The following ARRDC1 variants were observed in gnomAD, a reference collection of about 807,000 sequenced individuals.
ARRDC1 encodes the protein arrestin domain containing 1, also known as arrestin domain-containing protein 1.
Under a neutral mutation model 40.1 loss-of-function variants are expected in ARRDC1, and 37 were observed. That is an observed-to-expected ratio of 0.92 (90% CI 0.71 to 1.21). The LOEUF is 1.21. Among genes scored for constraint, ARRDC1 ranks in the 50% most tolerant of loss-of-function variants. The pLI is 0.00. For synonymous variants in ARRDC1, 310 were observed against 262.5 expected (o/e 1.18, Z -1.75); for missense variants, 641 against 581.9 (o/e 1.10, Z -1.04).
intron 1 of ARRDC1, chr9:137,612,413 A>T (rs1264871642): frequency 5.5e-6 from 1 of 182,398 alleles, no homozygotes; most frequent in Non-Finnish European, 1.1e-5. Context: ...GTGTCTGCCT[A>T]GGCGGGTCTG....
Position 137,614,325 on chromosome 9 carries a change from G to T in ARRDC1, c.645G>T (p.Trp215Cys). 2 of 1,608,308 alleles carry T rather than the reference G, an allele frequency of 1.2e-6. No homozygotes were observed. Among genetic ancestry groups the T allele is most frequent in the Admixed American group, 3.4e-5 (2 of 59,394 alleles). Residue 215 changes from tryptophan to cysteine, a missense_variant, in exon 6 of 8, where the codon TGG (tryptophan) becomes TGT (cysteine). Trp to Cys is a radical substitution (Grantham distance 215, BLOSUM62 -2). Transcript: ENST00000371421. The stretch of plus-strand genomic sequence containing the variant: ...AAGTGTCCTATAAGGCCAAGCGCTG[G>T]ATCCACGACGTACGGACCATTGCGG... ...LQKVSYKAKR[W>C]IHDVRTIAEV...
chr9:137,608,014 C>T (rs1289908956), intron 1 of ARRDC1, among the ~76,000 whole-genome samples: 2 of 152,128 alleles, frequency 1.3e-5, no homozygotes, highest in East Asian at 3.9e-4. Flanking sequence ...ACGGAGTCTC[C>T]CTCTGTCGCC....
At chr9:137,607,226 C>G (rs1842439341) in intron 1 of ARRDC1, among the ~76,000 whole-genome samples, 1 of 152,228 alleles carries the variant, frequency 6.6e-6, no homozygotes, top group Admixed American at 6.5e-5. Flanking sequence ...GTACCGGGGC[C>G]CCCGGGGGTT....
In ARRDC1 at chr9:137,614,384, G is replaced by A. The variant is rs764745867; in HGVS notation, c.704G>A (p.Arg235Gln). 1.2e-5 allele frequency: 19 copies of A among 1,612,934 alleles called. No homozygotes were observed. The highest frequency in any genetic ancestry group is 3.3e-5 in the South Asian group (3 of 91,054). Residue 235 changes from arginine to glutamine, a missense_variant, in exon 6 of 8, where the codon CGG becomes CAG. Physicochemically the swap from Arg to Gln is conservative, Grantham distance 43. Transcript: ENST00000371421. ...VEGAGVKAWR[R>Q]AQWHEQILVP... ...GGTGCGGGCGTCAAGGCCTGGCGGCGGGCGCAGTGGCACGAGCAGATCCTG... is the reference window on the plus strand; with the variant it reads ...GGTGCGGGCGTCAAGGCCTGGCGGCAGGCGCAGTGGCACGAGCAGATCCTG...
chr9:137,613,555 TG>T (rs779025116), intron 3 of ARRDC1, 45 bp downstream of exon 3: 15 of 1,614,024 alleles, frequency 9.3e-6, no homozygotes, highest in Non-Finnish European at 1.1e-5. Context: ...CAACTGGTCC[TG>T]GGAGGTGGGC....
chr9:137,612,864 G>A, intron 1 of ARRDC1, 32 bp from the exon 2 acceptor site: 1 of 1,569,556 alleles, frequency 6.4e-7, no homozygotes, highest in East Asian at 2.2e-5. Flanking sequence ...GCCGTCGGCT[G>A]GCTGGGGCTC....
At chr9:137,609,527 C>A (rs972313407) in intron 1 of ARRDC1, among the ~76,000 whole-genome samples, 1 of 151,998 alleles carries the variant, frequency 6.6e-6, no homozygotes, top group Non-Finnish European at 1.5e-5. Context: ...AGCCACTGTG[C>A]CTGGCCCCAA....
chr9:137,609,861 T>A (rs558795278), intron 1 of ARRDC1, among the ~76,000 whole-genome samples: 1 of 151,658 alleles, frequency 6.6e-6, no homozygotes, highest in African/African-American at 2.4e-5. Context: ...ATCTGATGGA[T>A]TGAAATGGTA....
intron 2 of ARRDC1, chr9:137,613,236 T>C (rs4962227): frequency 0.15 from 112,064 of 738,012 alleles, 10,308 homozygotes; most frequent in Admixed American, 0.36. Context: ...GGCACAGCTG[T>C]TTCACCCTTG....
chr9:137,605,822 G>A lies in ARRDC1; in HGVS notation c.105G>A (p.Pro35=). Residue 35 remains proline (P), a synonymous_variant, in exon 1 of 8, where the codon CCG becomes CCA. Coordinates refer to ENST00000371421, the MANE Select transcript of ARRDC1 (RefSeq NM_152285.4). ...CCGTGCGCGTGCGCCTGGGGGCACC[G>A]CTGCCGTTCCGAGGTGGGCGCGGGT... is the stretch of plus-strand genomic sequence containing the variant. ...AGTVRVRLGA[P]LPFRAIRVTC... is the part of the protein sequence containing the mutation. The A allele has an allele frequency of 7.9e-7, 1 of 1,267,554 alleles. No individual in the cohort carries two copies. The highest frequency in any genetic ancestry group is 9.9e-7 in the Non-Finnish European group (1 of 1,005,672). The allele number at this position is 1,267,554 out of a possible 1,614,324, so 78.5% of individuals were successfully genotyped here. A position where few individuals can be genotyped will look rare whatever the true frequency, so the allele number is the denominator to read the frequency against.
Position 137,605,754 on chromosome 9 carries a change from C to G in ARRDC1, c.37C>G (p.His13Asp). 7.3e-7 allele frequency: 1 copy of G among 1,377,992 alleles called. No individual in the cohort carries two copies. Among genetic ancestry groups the G allele is most frequent in the Non-Finnish European group, 9.4e-7 (1 of 1,062,204 alleles). The allele number at this position is 1,377,992 out of a possible 1,614,324, so 85.4% of individuals were successfully genotyped here. A position where few individuals can be genotyped will look rare whatever the true frequency, so the allele number is the denominator to read the frequency against. Reference sequence around the variant, plus strand: ...GCAGCTCTTCGAGATCAGCCTGAGCCACGGCCGCGTCGTCTACAGCCCCGG... The same window carrying G: ...GCAGCTCTTCGAGATCAGCCTGAGCGACGGCCGCGTCGTCTACAGCCCCGG... ...RVQLFEISLS[H>D]GRVVYSPGEP... The change falls in exon 1 of 8, where the codon CAC becomes GAC. Residue 13 changes from histidine to aspartate, a missense_variant. Physicochemically the swap from His to Asp is moderately conservative, Grantham distance 81. Transcript: ENST00000371421.
At position 137,614,848 on chromosome 9, in the gene ARRDC1, A is replaced by G; in HGVS notation, c.1085A>G (p.Asp362Gly). 3.1e-6 allele frequency: 5 copies of G among 1,613,274 alleles called. No homozygotes were observed. The highest frequency in any genetic ancestry group is 4.2e-6 in the Non-Finnish European group (5 of 1,179,932). ...GGTGCGCCGGAGCCCTGCCCTCAGG[A>G]TGGCAGCCCTGCCTCACACCCGCTG... ...VPGAPEPCPQ[D>G]GSPASHPLHP... The change falls in exon 7 of 8, where the codon GAT (aspartate) becomes GGT (glycine). Residue 362 changes from aspartate to glycine, a missense_variant. Transcript: ENST00000371421.
In ARRDC1 at chr9:137,613,006, G is replaced by A. The variant is rs1375442851; in HGVS notation, c.229G>A (p.Gly77Arg). The A allele has an allele frequency of 1.9e-6, 3 of 1,612,254 alleles. No individual in the cohort carries two copies. Among genetic ancestry groups the A allele is most frequent in the African/African-American group, 1.3e-5 (1 of 75,030 alleles). The change falls in exon 2 of 8, where the codon GGG (glycine) becomes AGG (arginine). Residue 77 changes from glycine (G) to arginine (R), a missense_variant and splice_region_variant. Gly to Arg is a moderately radical substitution (Grantham distance 125). Coordinates refer to ENST00000371421, the MANE Select transcript of ARRDC1 (RefSeq NM_152285.4). ...CAGTTCCCTGTCGCTGGCAGACAAG[G>A]GTAAGTTTGGGAGCCAGTTCCCGAG... is the stretch of plus-strand genomic sequence containing the variant. ...FNSSLSLADK[G>R]SLPAGEHSFP...
rs1842409846 is a variant in ARRDC1 at position 137,605,711 on chromosome 9, C to T, written c.-7C>T. Reference sequence around the variant, plus strand: ...GTCGCTGCGCGGCTGGCCGGTGAGGCCGCGGCATGGGGCGAGTGCAGCTCT... The same window carrying T: ...GTCGCTGCGCGGCTGGCCGGTGAGGTCGCGGCATGGGGCGAGTGCAGCTCT... On this transcript the variant is annotated 5_prime_UTR_variant, in exon 1 of 8. Transcript: ENST00000371421. 2.2e-6 allele frequency: 3 copies of T among 1,360,294 alleles called. No homozygotes were observed. The highest frequency in any genetic ancestry group is 3.3e-5 in the East Asian group (1 of 30,718). The allele number at this position is 1,360,294 out of a possible 1,614,324, so 84.3% of individuals were successfully genotyped here. A position where few individuals can be genotyped will look rare whatever the true frequency, so the allele number is the denominator to read the frequency against.
At position 137,615,348 on chromosome 9, in the gene ARRDC1, CT is replaced by C; in HGVS notation, c.*213del. 1.8e-6 allele frequency: 1 copy of C among 559,162 alleles called. No individual in the cohort carries two copies. Among genetic ancestry groups the C allele is most frequent in the Non-Finnish European group, 3.0e-6 (1 of 331,702 alleles). 34.6% of individuals were successfully genotyped at this position (559,162 alleles called of 1,614,324 possible). ...AGAGACAACTCCTGTAAATAAAACA[CT>C]TTATTTGTAGAGCTGGGCCTCACCG... On this transcript the variant is annotated 3_prime_UTR_variant, in exon 8 of 8. Coordinates refer to ENST00000371421, the MANE Select transcript of ARRDC1 (RefSeq NM_152285.4).
rs1842649152 is a variant in ARRDC1, at chr9:137,615,129, T to C, written c.1293T>C (p.Pro431=). 1.9e-6 allele frequency: 3 copies of C among 1,541,654 alleles called. No individual in the cohort carries two copies. Among genetic ancestry groups the C allele is most frequent in the Non-Finnish European group, 2.6e-6 (3 of 1,142,214 alleles). ...SCGGVEPSLT[P]ES ...GCGGCGTGGAACCCAGCCTGACCCC[T>C]GAGAGCTGACCCCGTGCTGCCTTCT... The change falls in exon 8 of 8, where the codon CCT becomes CCC. Residue 431 remains proline, a synonymous_variant. Coordinates refer to ENST00000371421, the MANE Select transcript of ARRDC1 (RefSeq NM_152285.4).
intron 1 of ARRDC1, 133 bp from the exon 2 acceptor site, chr9:137,612,763 T>G: frequency 1.5e-6 from 1 of 653,180 alleles, no homozygotes; most frequent in Non-Finnish European, 2.7e-6. Flanking sequence ...TGGCATGGGC[T>G]GCTTGCTCAC....
In ARRDC1 at chr9:137,614,315, C is replaced by A; in HGVS notation, c.635C>A (p.Ala212Asp). 1 of 1,602,744 alleles carries A rather than the reference C, an allele frequency of 6.2e-7. No individual in the cohort carries two copies. Among genetic ancestry groups the A allele is most frequent in the South Asian group, 1.1e-5 (1 of 89,304 alleles). The change falls in exon 6 of 8, where the codon GCC becomes GAC. Residue 212 changes from alanine to aspartate, a missense_variant. Coordinates refer to ENST00000371421, the MANE Select transcript of ARRDC1 (RefSeq NM_152285.4). ...CTTCCCCAGAAAGTGTCCTATAAGG[C>A]CAAGCGCTGGATCCACGACGTACGG... is the stretch of plus-strand genomic sequence containing the variant. ...ASLLQKVSYK[A>D]KRWIHDVRTI...
At chr9:137,612,429 A>G (rs1043168316) in intron 1 of ARRDC1, 2 of 189,404 alleles carry the variant, frequency 1.1e-5, no homozygotes, top group Non-Finnish European at 2.2e-5. Flanking sequence ...GTCTGGCCAC[A>G]TTCCTGCAGC....
Sources: allele counts gnomAD v4.1 joint callset (sites outside exome capture counted in the v4.1 genomes callset), GRCh38; gene constraint gnomAD v4.1.1; transcripts MANE v1.5; gene names NCBI Gene and HGNC (gene_info 2026-07-23, HGNC 2026-07-21).